The following PLEKHA6 variants were observed in gnomAD, a reference collection of about 807,000 sequenced individuals.
PLEKHA6 encodes the protein pleckstrin homology domain-containing family A member 6.
In PLEKHA6, 60 loss-of-function variants were observed where a neutral mutation model predicts 116.7. That is an observed-to-expected ratio of 0.51 (90% CI 0.42 to 0.64). PLEKHA6 has a LOEUF of 0.64. Ranked by LOEUF, PLEKHA6 falls within the 30% of genes least tolerant of loss-of-function variation. The pLI is 0.00. For synonymous variants in PLEKHA6, 489 were observed against 556.1 expected, an observed-to-expected ratio of 0.88 and a Z score of 1.70; for missense variants, 1,338 against 1,422.7, an observed-to-expected ratio of 0.94 and a Z score of 0.96.
At chr1:204,335,520 C>A (rs761304870) in intron 1 of PLEKHA6, among the ~76,000 whole-genome samples, 4 of 152,016 alleles carry the variant, frequency 2.6e-5, no homozygotes, top group Non-Finnish European at 5.9e-5. Context: ...ATCTTTACGC[C>A]GCAGTGGCCG....
At chr1:204,233,049 T>G (rs1251335491) in intron 17 of PLEKHA6, among the ~76,000 whole-genome samples, 1 of 152,132 alleles carries the variant, frequency 6.6e-6, no homozygotes, top group Admixed American at 6.6e-5. Flanking sequence ...ATGGTCCTCC[T>G]GCCTCAGCCT....
chr1:204,291,682 A>C (rs58342156), intron 1 of PLEKHA6, among the ~76,000 whole-genome samples: 11,404 of 152,294 alleles, frequency 0.075, 971 homozygotes, highest in African/African-American at 0.21. Flanking sequence ...TCTTGAAATA[A>C]AAGTATTCAT....
chr1:204,262,587 C>T (rs1666266950), intron 6 of PLEKHA6, among the ~76,000 whole-genome samples: 2 of 152,246 alleles, frequency 1.3e-5, no homozygotes, highest in East Asian at 3.9e-4. Context: ...AATCCTGGGT[C>T]TCTGGGGGTT....
At position 204,248,839 on chromosome 1, in the gene PLEKHA6, C is replaced by G. The variant is rs1442699003; in HGVS notation, c.1806G>C (p.Glu602Asp). The G allele has an allele frequency of 6.2e-7, 1 of 1,613,828 alleles. No homozygotes were observed. The highest frequency in any genetic ancestry group is 1.3e-5 in the African/African-American group (1 of 74,924). Reference sequence around the variant, plus strand: ...GGGTTACCGTGGTCGCCTGAGACAGCTCCACGCGGATGTTGATGAGCTGGT... The same window carrying G: ...GGGTTACCGTGGTCGCCTGAGACAGGTCCACGCGGATGTTGATGAGCTGGT... ...LQNQLINIRV[E>D]LSQATTALTN... is the part of the protein sequence containing the mutation. The change falls in exon 12 of 23, where the codon GAG becomes GAC. Residue 602 changes from glutamate (E) to aspartate (D), a missense_variant. Physicochemically the swap from Glu to Asp is conservative, Grantham distance 45. Transcript: ENST00000272203.
intron 6 of PLEKHA6, 79 bp downstream of exon 6, chr1:204,264,863 G>T: frequency 2.9e-6 from 3 of 1,022,528 alleles, no homozygotes; most frequent in Non-Finnish European, 4.7e-6. Flanking sequence ...GATGGCTCTT[G>T]GCCCTTCTCC....
At chr1:204,234,132 G>T (rs1661608768) in intron 17 of PLEKHA6, among the ~76,000 whole-genome samples, 2 of 152,136 alleles carry the variant, frequency 1.3e-5, no homozygotes. Context: ...GGATGAGGAT[G>T]GGCCCTAAAT....
chr1:204,297,743 G>T, intron 1 of PLEKHA6: 1 of 264,876 alleles, frequency 3.8e-6, no homozygotes, highest in Non-Finnish European at 5.8e-6. Context: ...CCCCCAGCTT[G>T]TGGAACCACC....
intron 17 of PLEKHA6, among the ~76,000 whole-genome samples, chr1:204,236,884 AC>A (rs1361861705): frequency 3.3e-5 from 5 of 152,184 alleles, no homozygotes; most frequent in African/African-American, 4.8e-5. Context: ...CAGATGCATA[AC>A]CCCTTGAATG....
At chr1:204,357,110 T>C (rs1317016896) in intron 1 of PLEKHA6, among the ~76,000 whole-genome samples, 1 of 152,244 alleles carries the variant, frequency 6.6e-6, no homozygotes, top group Non-Finnish European at 1.5e-5. Flanking sequence ...AGAGGTGACT[T>C]GTTCTGCACA....
intron 9 of PLEKHA6, among the ~76,000 whole-genome samples, chr1:204,253,947 G>A (rs1469697956): frequency 1.3e-5 from 2 of 152,218 alleles, no homozygotes; most frequent in African/African-American, 2.4e-5. Context: ...TAGCCTAATG[G>A]ACCAGCCCCT....
At chr1:204,363,358 A>ACTGC (rs1673595796), upstream of PLEKHA6, among the ~76,000 whole-genome samples, 1 of 152,196 alleles carries the variant, frequency 6.6e-6, no homozygotes, top group Non-Finnish European at 1.5e-5. Flanking sequence ...CCGTGGGTGG[A>ACTGC]CTGCCTGCCT....
At chr1:204,309,669 G>A (rs565302295) in intron 1 of PLEKHA6, 1 of 846,744 alleles carries the variant, frequency 1.2e-6, no homozygotes, top group African/African-American at 1.8e-5. Context: ...ATTAAGTAAT[G>A]CATGACCATA....
At chr1:204,280,522 C>G (rs544094018) in intron 1 of PLEKHA6, 1 of 931,156 alleles carries the variant, frequency 1.1e-6, no homozygotes, top group East Asian at 1.2e-4. Context: ...AAGAATTAGC[C>G]CTGGCCCAGC....
intron 1 of PLEKHA6, among the ~76,000 whole-genome samples, chr1:204,377,248 G>A (rs1485723056): frequency 3.3e-5 from 5 of 152,184 alleles, no homozygotes; most frequent in African/African-American, 1.2e-4. Flanking sequence ...GCCCTTTCAG[G>A]GAAGGAGCTG....
intron 1 of PLEKHA6, among the ~76,000 whole-genome samples, chr1:204,300,926 T>C (rs750642869): frequency 3.9e-5 from 6 of 152,366 alleles, no homozygotes; most frequent in African/African-American, 1.2e-4. Flanking sequence ...CTGAAAGTTT[T>C]GTCCTAACTG....
intron 5 of PLEKHA6, among the ~76,000 whole-genome samples, chr1:204,266,121 C>T (rs1270249109): frequency 6.6e-6 from 1 of 151,846 alleles, no homozygotes; most frequent in East Asian, 1.9e-4. Context: ...CTACTCATCA[C>T]ATCTACACGA....
intron 9 of PLEKHA6, among the ~76,000 whole-genome samples, chr1:204,255,278 A>G (rs1665120222): frequency 1.3e-5 from 2 of 152,208 alleles, no homozygotes; most frequent in South Asian, 4.1e-4. Context: ...GGCCCAGCCT[A>G]GAGCTCCCTC....
chr1:204,229,880 C>T lies in PLEKHA6; in HGVS notation c.2583+533G>A, dbSNP rs1398440750. 2.0e-5 allele frequency among the ~76,000 whole-genome samples: 3 copies of T among 152,210 alleles called. No homozygotes were observed. The East Asian group carries it at 5.8e-4, about 29-fold the overall frequency. ...CTACATCCAGCTCTGTACTTAATAG[C>T]TGTGTAGCCCAGGAATCCTTTAATT... On this transcript the variant is annotated intron_variant, in intron 18 of 22. Transcript: ENST00000272203.
chr1:204,326,668 G>A (rs1239218568), intron 1 of PLEKHA6, among the ~76,000 whole-genome samples: 1 of 152,236 alleles, frequency 6.6e-6, no homozygotes, highest in Non-Finnish European at 1.5e-5. Flanking sequence ...TGCTGTCCAA[G>A]CCCTAAATCT....
Sources: gnomAD v4.1 joint callset for allele counts (sites outside exome capture counted in the v4.1 genomes callset) on GRCh38, gnomAD v4.1.1 for gene constraint, MANE v1.5 for transcripts, NCBI Gene and HGNC (gene_info 2026-07-23, HGNC 2026-07-21) for gene names.